Variants in CEP170B observed in about 807,000 individuals in gnomAD.
CEP170B encodes the protein centrosomal protein 170B, also known as centrosomal protein of 170 kDa protein B.
A neutral mutation model predicts 120.6 loss-of-function variants in CEP170B; 55 were observed. The observed-to-expected ratio is 0.46, with a 90% confidence interval of 0.37 to 0.57. CEP170B has a LOEUF of 0.57. Ranked by LOEUF, CEP170B falls within the 20% of genes least tolerant of loss-of-function variation. CEP170B has a pLI of 0.00. For synonymous variants in CEP170B, 1,033 were observed against 954.5 expected, an observed-to-expected ratio of 1.08 and a Z score of -1.52; for missense variants, 2,212 against 2,253.3, an observed-to-expected ratio of 0.98 and a Z score of 0.37.
rs893270849 is a variant in CEP170B at position 104,867,636 on chromosome 14, C to T, written c.-27-788C>T. On this transcript the variant is annotated intron_variant, in intron 1 of 18. Transcript: ENST00000414716. The surrounding 1 kb of genome is among the most constrained non-coding windows in gnomAD (Gnocchi z 5.4). ...GGGTTGGGTCTTGGGGTGACATCAG[C>T]CCTGGCCATTACTCAGGCTGTCCCC... Among the ~76,000 whole-genome samples the T allele has an allele frequency of 1.3e-5, 2 of 152,112 alleles. No homozygotes were observed. The highest frequency in any genetic ancestry group is 2.9e-5 in the Non-Finnish European group (2 of 67,996).
chr14:104,871,872 G>A (rs1461558405), intron 2 of CEP170B, among the ~76,000 whole-genome samples: 2 of 152,240 alleles, frequency 1.3e-5, no homozygotes, highest in African/African-American at 4.8e-5. Context: ...TTGGACCACA[G>A]CAGGTAGACG....
intron 2 of CEP170B, among the ~76,000 whole-genome samples, chr14:104,872,240 T>C (rs1297313067): frequency 7.5e-6 from 1 of 133,052 alleles, no homozygotes; most frequent in African/African-American, 3.0e-5. Context: ...CGTGCGTGTG[T>C]GCGTGTGTGT....
chr14:104,873,230 G>A (rs1414285951), intron 2 of CEP170B, among the ~76,000 whole-genome samples: 1 of 151,278 alleles, frequency 6.6e-6, no homozygotes. Flanking sequence ...CTGGGCTCGG[G>A]GTGTTAACAG....
At chr14:104,890,390 G>GTGGA (rs1292538038) in intron 13 of CEP170B, among the ~76,000 whole-genome samples, 404 of 118,144 alleles carry the variant, frequency 3.4e-3, no homozygotes, top group African/African-American at 4.6e-3. Context: ...GGATGGATGA[G>GTGGA]TGGATGGATG....
intron 6 of CEP170B, among the ~76,000 whole-genome samples, chr14:104,882,165 T>G (rs1476826337): frequency 2.6e-5 from 4 of 152,152 alleles, no homozygotes; most frequent in East Asian, 3.9e-4. Context: ...AGATTCTATC[T>G]GAAATATACA....
Position 104,877,916 on chromosome 14 carries a change from A to G in CEP170B, c.227A>G (p.Gln76Arg). 1 of 1,555,264 alleles carries G rather than the reference A, an allele frequency of 6.4e-7. No homozygotes were observed. The highest frequency in any genetic ancestry group is 8.7e-7 in the Non-Finnish European group (1 of 1,148,200). The change falls in exon 4 of 19, where the codon CAG (glutamine) becomes CGG (arginine). Residue 76 changes from glutamine to arginine, a missense_variant. Coordinates refer to ENST00000414716, the MANE Select transcript of CEP170B (RefSeq NM_001112726.3). The stretch of plus-strand genomic sequence containing the variant: ...GTGAATGACATGCGCATCCCGGACC[A>G]GAAGTACGTCACGCTGAAGCTCAAC... ...TFVNDMRIPD[Q>R]KYVTLKLNDV...
chr14:104,887,249 C>G lies in CEP170B; in HGVS notation c.3010C>G (p.Arg1004Gly), dbSNP rs201626691. ...DPGGTALVSA[R>G]EQSSERQHHP... ...GGGAGGCACCGCCCTGGTCAGTGCC[C>G]GTGAGCAGTCCTCAGAGAGGCAGCA... is the stretch of plus-strand genomic sequence containing the variant. The change falls in exon 12 of 19, where the codon CGT (arginine) becomes GGT (glycine). Residue 1004 changes from arginine to glycine, a missense_variant. Arg to Gly is a moderately radical substitution (Grantham distance 125). Coordinates refer to ENST00000414716, the MANE Select transcript of CEP170B (RefSeq NM_001112726.3). The G allele has an allele frequency of 7.5e-5, 120 of 1,607,032 alleles. 1 individual carries two copies. In the Admixed American group the frequency reaches 2.0e-3, roughly 26 times the overall value.
In CEP170B at chr14:104,892,978, T is replaced by A. The variant is rs1213121071; in HGVS notation, c.3881T>A (p.Leu1294Gln). ...GCCGTCTTTCCTGCCGGCTGCAGGC[T>A]GAGCCAGACGCTGGTGAAGGACGTG... ...QTAEIAEIAR[L>Q]SQTLVKDVAI... The change falls in exon 14 of 19, where the codon CTG becomes CAG. Residue 1294 changes from leucine (L) to glutamine (Q), a missense_variant and splice_region_variant. Coordinates refer to ENST00000414716, the MANE Select transcript of CEP170B (RefSeq NM_001112726.3). 6.4e-7 allele frequency: 1 copy of A among 1,562,840 alleles called. No individual in the cohort carries two copies. Among genetic ancestry groups the A allele is most frequent in the South Asian group, 1.2e-5 (1 of 84,792 alleles).
rs1566872422 is a variant in CEP170B, at chr14:104,889,905, A to ATGGATGG, written c.3878+147_3878+148insTGGATGG. ...GGCTGGCTGGCTGGATGGATGGACA[A>ATGGATGG]ATGGATGGATGGATGGATGGATGGA... On this transcript the variant is annotated intron_variant, in intron 13 of 18. Coordinates refer to ENST00000414716, the MANE Select transcript of CEP170B (RefSeq NM_001112726.3). 47 of 137,260 alleles carry ATGGATGG rather than the reference A, an allele frequency of 3.4e-4. No homozygotes were observed. The Middle Eastern group carries it at 8.3e-3, about 24-fold the overall frequency. 8.5% of individuals were successfully genotyped at this position (137,260 alleles called of 1,614,324 possible). A position where few individuals can be genotyped will look rare whatever the true frequency, so the allele number is the denominator to read the frequency against.
At chr14:104,864,723 G>A (rs1895098104), upstream of CEP170B, among the ~76,000 whole-genome samples, 1 of 152,138 alleles carries the variant, frequency 6.6e-6, no homozygotes, top group Admixed American at 6.5e-5. This position sits in a 1 kb window ranked among gnomAD's most constrained non-coding sequence, Gnocchi z 5.9. Context: ...CATACGCCCA[G>A]TCTGGCCAGG....
Position 104,886,590 on chromosome 14 carries a change from G to A in CEP170B, c.2351G>A (p.Arg784His), listed in dbSNP as rs540048602. ...QEGPTWSRGR[R>H]SPRAPGEPTP... ...GGGCCCACGTGGAGCAGGGGTCGGCGCTCACCAAGGGCCCCCGGGGAGCCA... is the reference window on the plus strand; with the variant it reads ...GGGCCCACGTGGAGCAGGGGTCGGCACTCACCAAGGGCCCCCGGGGAGCCA... The change falls in exon 12 of 19, where the codon CGC becomes CAC. Residue 784 changes from arginine (R) to histidine (H), a missense_variant. Around this residue, in one of 2 missense-constraint regions of CEP170B, gnomAD observed 2,166 missense variants for 2,166.7 expected, o/e 1.00. Transcript: ENST00000414716. The A allele has an allele frequency of 3.3e-5, 50 of 1,515,942 alleles. 1 individual carries two copies. Among genetic ancestry groups the A allele is most frequent in the African/African-American group, 2.8e-4 (20 of 71,726 alleles). 93.9% of individuals were successfully genotyped at this position (1,515,942 alleles called of 1,614,324 possible). A position where few individuals can be genotyped will look rare whatever the true frequency, so the allele number is the denominator to read the frequency against.
intron 13 of CEP170B, among the ~76,000 whole-genome samples, 187 bp downstream of exon 13, chr14:104,889,945 GAT>G (rs1896713806): frequency 4.3e-5 from 3 of 69,994 alleles, no homozygotes; most frequent in Non-Finnish European, 3.2e-5. Flanking sequence ...TGGATGGATG[GAT>G]GGATGAATGG....
Position 104,884,447 on chromosome 14 carries a change from G to A in CEP170B, c.1668G>A (p.Arg556=). The A allele has an allele frequency of 6.4e-7, 1 of 1,554,384 alleles. No individual in the cohort carries two copies. The highest frequency in any genetic ancestry group is 8.7e-7 in the Non-Finnish European group (1 of 1,149,238). ...APTDPQLTKA[R]KQEEDDSLSD... ...CGGACCCCCAGCTGACCAAGGCACG[G>A]AAACAGGAGGAGGACGACAGCCTCA... Residue 556 remains arginine (R), a synonymous_variant, in exon 9 of 19, where the codon CGG becomes CGA. Coordinates refer to ENST00000414716, the MANE Select transcript of CEP170B (RefSeq NM_001112726.3).
chr14:104,885,250 G>C lies in CEP170B; in HGVS notation c.1771-119G>C, dbSNP rs1896410515. On this transcript the variant is annotated intron_variant, in intron 9 of 18. Coordinates refer to ENST00000414716, the MANE Select transcript of CEP170B (RefSeq NM_001112726.3). ...GCCAGGCTGCATGTCCCGGCCACCAGCCACTCTGGCCAACCAGGTCCCTGC... is the reference window on the plus strand; with the variant it reads ...GCCAGGCTGCATGTCCCGGCCACCACCCACTCTGGCCAACCAGGTCCCTGC... 3 of 1,177,846 alleles carry C rather than the reference G, an allele frequency of 2.5e-6. No homozygotes were observed. In the African/African-American group the frequency reaches 4.8e-5, roughly 19 times the overall value. 73.0% of individuals were successfully genotyped at this position (1,177,846 alleles called of 1,614,324 possible).
At chr14:104,869,097 C>T (rs1217428580) in intron 2 of CEP170B, among the ~76,000 whole-genome samples, 1 of 152,314 alleles carries the variant, frequency 6.6e-6, no homozygotes, top group Admixed American at 6.5e-5. Flanking sequence ...CCGGCACTGA[C>T]AATCGGAAGT....
At chr14:104,883,000 C>G (rs1290146824) in intron 7 of CEP170B, 35 bp from the exon 8 acceptor site, 3 of 1,479,718 alleles carry the variant, frequency 2.0e-6, no homozygotes, top group Non-Finnish European at 2.7e-6. Context: ...GGTGGTTACC[C>G]TGAGGCCCGG....
chr14:104,872,742 G>A (rs955184402), intron 2 of CEP170B, among the ~76,000 whole-genome samples: 7 of 152,166 alleles, frequency 4.6e-5, no homozygotes, highest in African/African-American at 1.7e-4. Context: ...TGGGGAACTC[G>A]GGTGAGCTGG....
intron 5 of CEP170B, among the ~76,000 whole-genome samples, chr14:104,879,317 C>T (rs557250263): frequency 1.3e-5 from 2 of 152,026 alleles, no homozygotes; most frequent in African/African-American, 4.8e-5. Context: ...GTCTCTGAAG[C>T]TGAGGTGCTT....
chr14:104,882,405 C>CCCCTGGG lies in CEP170B; in HGVS notation c.473-322_473-321insCCTGGGC, dbSNP rs1385311320. Among the ~76,000 whole-genome samples, 65 of 152,184 alleles carry CCCCTGGG rather than the reference C, an allele frequency of 4.3e-4. 1 individual carries two copies. The highest frequency in any genetic ancestry group is 5.1e-4 in the Non-Finnish European group (35 of 67,986). ...GCAGGACGGAGGTGGGGGGCCCCCA[C>CCCCTGGG]CATGCCCCAGGGGATGAGCCTCTGA... On this transcript the variant is annotated intron_variant, in intron 6 of 18. Transcript: ENST00000414716.
Sources: allele counts gnomAD v4.1 joint callset (sites outside exome capture counted in the v4.1 genomes callset), GRCh38; gene constraint gnomAD v4.1.1; regional missense constraint gnomAD v4.1.1; non-coding constraint Gnocchi (gnomAD v3.1); transcripts MANE v1.5; gene names NCBI Gene and HGNC (gene_info 2026-07-23, HGNC 2026-07-21).